The following PDE4D variants were observed in gnomAD, a reference collection of about 807,000 sequenced individuals.
The protein encoded by PDE4D is phosphodiesterase 4D, also known as 3',5'-cyclic-AMP phosphodiesterase 4D.
PDE4D carries 24 observed loss-of-function variants against 87.4 expected under a neutral mutation model. The observed-to-expected ratio is 0.27, with a 90% CI of 0.20 to 0.39. PDE4D has a LOEUF of 0.39. PDE4D is among the 10% of genes least tolerant of loss of function. The pLI is 1.00. For synonymous variants in PDE4D, 384 were observed against 383.2 expected (o/e 1.00, Z -0.02); for missense variants, 714 against 1,041.0 (o/e 0.69, Z 4.32).
chr5:59,779,060 G>C (rs1764350924), intron 1 of PDE4D, among the ~76,000 whole-genome samples: 1 of 152,032 alleles, frequency 6.6e-6, no homozygotes, highest in African/African-American at 2.4e-5. Context: ...TATTTGGGAG[G>C]CTGAGGCATG....
At chr5:60,220,273 A>G (rs1279250415) in intron 1 of PDE4D, among the ~76,000 whole-genome samples, 1 of 152,168 alleles carries the variant, frequency 6.6e-6, no homozygotes, top group East Asian at 1.9e-4. Flanking sequence ...AGAAAGGGAC[A>G]CTAACCTAAC....
intron 1 of PDE4D, among the ~76,000 whole-genome samples, chr5:60,289,063 C>A (rs1336759074): frequency 6.6e-6 from 1 of 152,182 alleles, no homozygotes; most frequent in African/African-American, 2.4e-5. Context: ...CCCCGTCTCA[C>A]ATTGAGAACA....
chr5:59,748,544 C>T (rs995661124), intron 1 of PDE4D, among the ~76,000 whole-genome samples: 18 of 150,930 alleles, frequency 1.2e-4, no homozygotes, highest in African/African-American at 4.1e-4. Context: ...AGCAAACTAT[C>T]GCAAGGACAA....
intron 1 of PDE4D, among the ~76,000 whole-genome samples, chr5:59,495,161 G>A (rs1434276382): frequency 2.6e-5 from 4 of 152,128 alleles, no homozygotes; most frequent in South Asian, 2.1e-4. Flanking sequence ...GATATAACTT[G>A]CTCAGCTCCT....
intron 1 of PDE4D, among the ~76,000 whole-genome samples, chr5:59,643,668 A>G (rs1409444196): frequency 6.6e-6 from 1 of 152,212 alleles, no homozygotes; most frequent in Non-Finnish European, 1.5e-5. Flanking sequence ...CTCTTTGTGT[A>G]AGCACGGTAC....
intron 5 of PDE4D, among the ~76,000 whole-genome samples, chr5:59,056,751 C>T (rs959370521): frequency 2.6e-5 from 4 of 152,150 alleles, no homozygotes; most frequent in Non-Finnish European, 5.9e-5. Context: ...CTTCCAGCTT[C>T]ATTCACGTCC....
At chr5:59,547,930 A>G (rs953377332) in intron 1 of PDE4D, among the ~76,000 whole-genome samples, 1 of 152,160 alleles carries the variant, frequency 6.6e-6, no homozygotes, top group African/African-American at 2.4e-5. Flanking sequence ...CCTTGGAACT[A>G]CTGGGAGATG....
intron 1 of PDE4D, among the ~76,000 whole-genome samples, chr5:59,376,239 A>G (rs530048031): frequency 6.6e-6 from 1 of 152,318 alleles, no homozygotes; most frequent in Non-Finnish European, 1.5e-5. Flanking sequence ...AGAGGAAGTC[A>G]AACTATCCCA....
At chr5:59,096,592 A>C (rs975147781) in intron 5 of PDE4D, among the ~76,000 whole-genome samples, 1 of 152,164 alleles carries the variant, frequency 6.6e-6, no homozygotes, top group Non-Finnish European at 1.5e-5. Context: ...GTTGGACATA[A>C]AAAACCTGGA....
intron 1 of PDE4D, among the ~76,000 whole-genome samples, chr5:59,481,150 T>A (rs1052103621): frequency 2.0e-5 from 3 of 152,064 alleles, no homozygotes; most frequent in Non-Finnish European, 2.9e-5. Context: ...ACCGTTAGCT[T>A]ATACCCCACA....
At chr5:59,577,684 A>T (rs1823402722) in intron 1 of PDE4D, among the ~76,000 whole-genome samples, 1 of 152,176 alleles carries the variant, frequency 6.6e-6, no homozygotes, top group Non-Finnish European at 1.5e-5. Flanking sequence ...CAAGCTCTGT[A>T]TAAAGTAGTG....
chr5:59,693,212 G>T (rs1751253770), intron 1 of PDE4D, among the ~76,000 whole-genome samples: 1 of 151,696 alleles, frequency 6.6e-6, no homozygotes, highest in Admixed American at 6.6e-5. Context: ...ATAAAATAAA[G>T]AAAGAAAATT....
chr5:59,244,680 CTGTGTGTGTGTGTGTGTGTGTG>C (rs369829189), intron 1 of PDE4D, among the ~76,000 whole-genome samples: 25 of 120,056 alleles, frequency 2.1e-4, no homozygotes, highest in African/African-American at 6.6e-4. Context: ...GTGTGTGTGT[CTGTGTGTGTGTGTGTGTGTGTG>C]TGTGTGTGTG....
At chr5:60,095,228 G>A (rs1043513201) in intron 2 of PDE4D, among the ~76,000 whole-genome samples, 1 of 152,098 alleles carries the variant, frequency 6.6e-6, no homozygotes, top group Non-Finnish European at 1.5e-5. Flanking sequence ...AGGCCCCAGT[G>A]TGTGATGTTC....
At chr5:59,159,633 G>C (rs891544550) in intron 5 of PDE4D, among the ~76,000 whole-genome samples, 3 of 152,100 alleles carry the variant, frequency 2.0e-5, no homozygotes, top group African/African-American at 7.2e-5. Flanking sequence ...TCAGTAAGTA[G>C]GTGAAAAGAA....
intron 2 of PDE4D, among the ~76,000 whole-genome samples, chr5:60,003,513 C>T (rs554340220): frequency 3.9e-5 from 6 of 151,990 alleles, no homozygotes; most frequent in African/African-American, 1.4e-4. Context: ...AGTTCAAGAC[C>T]AGCCTGGCCA....
chr5:60,344,926 C>T (rs777702708), intron 1 of PDE4D, among the ~76,000 whole-genome samples: 21 of 151,776 alleles, frequency 1.4e-4, no homozygotes, highest in African/African-American at 3.4e-4. Flanking sequence ...AGTGAAAATA[C>T]GAAGAGTATA....
chr5:59,006,486 G>A (rs991189094), intron 6 of PDE4D, among the ~76,000 whole-genome samples: 1 of 152,126 alleles, frequency 6.6e-6, no homozygotes, highest in Non-Finnish European at 1.5e-5. Flanking sequence ...AGGTGCTGAG[G>A]TGGGAGGATG....
At chr5:59,071,191 TGATTTTTGATCCTTCTATACGATAC>T (rs1764731611) in intron 5 of PDE4D, among the ~76,000 whole-genome samples, 1 of 152,226 alleles carries the variant, frequency 6.6e-6, no homozygotes. Context: ...GATGCCCTTT[TGATTTTTGATCCTTCTATACGATAC>T]GATAATGATC....
Sources: gnomAD v4.1 joint callset for allele counts (sites outside exome capture counted in the v4.1 genomes callset) on GRCh38, gnomAD v4.1.1 for gene constraint, MANE v1.5 for transcripts, NCBI Gene and HGNC (gene_info 2026-07-23, HGNC 2026-07-21) for gene names.